PDYN: variants seen among roughly 807,000 people sequenced by gnomAD.
The protein encoded by PDYN is prodynorphin.
PDYN carries 5 observed loss-of-function variants against 11.4 expected under a neutral mutation model. The observed-to-expected ratio is 0.44, with a 90% CI of 0.23 to 0.92. The LOEUF is 0.92. Among genes scored for constraint, PDYN ranks in the 40% least tolerant of loss-of-function variants. The probability of loss-of-function intolerance (pLI) is 0.24; values close to 1 mark genes in which losing one functional copy is unlikely to be tolerated. For missense variants in PDYN, 337 were observed against 317.3 expected, an observed-to-expected ratio of 1.06 and a Z score of -0.47; for synonymous variants, 132 against 129.5, an observed-to-expected ratio of 1.02 and a Z score of -0.13.
chr20:1,990,712 G>A (rs913736428), intron 2 of PDYN, among the ~76,000 whole-genome samples: 2 of 152,040 alleles, frequency 1.3e-5, no homozygotes, highest in Non-Finnish European at 2.9e-5. Flanking sequence ...GGATGGAACC[G>A]CCACCCTTTT....
intron 2 of PDYN, among the ~76,000 whole-genome samples, chr20:1,985,354 G>A (rs1411292842): frequency 6.6e-6 from 1 of 152,148 alleles, no homozygotes; most frequent in African/African-American, 2.4e-5. Flanking sequence ...CTTCAGGGAA[G>A]CGGGCACTTC....
At chr20:1,991,375 G>A (rs566393312) in intron 2 of PDYN, among the ~76,000 whole-genome samples, 29 of 152,314 alleles carry the variant, frequency 1.9e-4, no homozygotes, top group African/African-American at 5.8e-4. Context: ...GGATGGACTC[G>A]GAGGAGCCCC....
chr20:1,989,329 G>T (rs1988332269), intron 2 of PDYN, among the ~76,000 whole-genome samples: 1 of 152,108 alleles, frequency 6.6e-6, no homozygotes, highest in Non-Finnish European at 1.5e-5. Flanking sequence ...GGGGAGGCTT[G>T]CCTTGGGATT....
intron 2 of PDYN, among the ~76,000 whole-genome samples, chr20:1,989,841 C>A (rs545800328): frequency 2.0e-5 from 3 of 152,294 alleles, no homozygotes; most frequent in South Asian, 2.1e-4. Context: ...GTTTCAATGA[C>A]CCTGCAATGA....
At chr20:1,982,835 G>A in intron 3 of PDYN, 121 bp downstream of exon 3, 1 of 1,064,608 alleles carries the variant, frequency 9.4e-7, no homozygotes, top group South Asian at 1.3e-5. Flanking sequence ...CCACCACCCT[G>A]CACAGGTGGG....
Position 1,980,010 on chromosome 20 carries a change from G to A in PDYN, c.*313C>T, listed in dbSNP as rs1414690203. 5 of 436,718 alleles carry A rather than the reference G, an allele frequency of 1.1e-5. No homozygotes were observed. Among genetic ancestry groups the A allele is most frequent in the South Asian group, 8.4e-5 (4 of 47,510 alleles). 27.1% of individuals were successfully genotyped at this position (436,718 alleles called of 1,614,324 possible). A position where few individuals can be genotyped will look rare whatever the true frequency, so the allele number is the denominator to read the frequency against. ...TGGTTCCCTGGAATTGAGGAGTCACGTGAACAGGTTGGAAGGACAGATCAC... is the reference window on the plus strand; with the variant it reads ...TGGTTCCCTGGAATTGAGGAGTCACATGAACAGGTTGGAAGGACAGATCAC... On this transcript the variant is annotated 3_prime_UTR_variant, in exon 4 of 4. Coordinates refer to ENST00000217305, the MANE Select transcript of PDYN (RefSeq NM_024411.5).
rs1987680596 is a variant in PDYN, at chr20:1,980,500, A to G, written c.588T>C (p.Asp196=). The stretch of plus-strand genomic sequence containing the variant: ...TGTACAGGTCCTCATGGCCCATGCT[A>G]TCCCCGTCCCCCTCCCCAGCCACCT... ...SSEVAGEGDG[D]SMGHEDLYKR... Residue 196 remains aspartate (D), a synonymous_variant, in exon 4 of 4, where the codon GAT becomes GAC. Transcript: ENST00000217305. 6.2e-7 allele frequency: 1 copy of G among 1,612,918 alleles called. No homozygotes were observed. The highest frequency in any genetic ancestry group is 1.3e-5 in the African/African-American group (1 of 74,824).
At chr20:1,982,304 A>G (rs1987869637) in intron 3 of PDYN, among the ~76,000 whole-genome samples, 1 of 152,186 alleles carries the variant, frequency 6.6e-6, no homozygotes, top group Admixed American at 6.5e-5. Context: ...ATCTCATGGA[A>G]TCACCTCCAT....
intron 3 of PDYN, among the ~76,000 whole-genome samples, chr20:1,981,780 GC>G (rs1303897954): frequency 4.0e-5 from 6 of 151,874 alleles, no homozygotes; most frequent in Non-Finnish European, 8.8e-5. Context: ...ACAAAAATTA[GC>G]TGGGTGTGGT....
intron 3 of PDYN, among the ~76,000 whole-genome samples, 159 bp downstream of exon 3, chr20:1,982,797 T>C (rs1363576190): frequency 6.6e-6 from 1 of 152,104 alleles, no homozygotes; most frequent in Non-Finnish European, 1.5e-5. Context: ...CAGCCCCTGG[T>C]GTCCAGGCCA....
At position 1,980,123 on chromosome 20, in the gene PDYN, G is replaced by A. The variant is rs929141800; in HGVS notation, c.*200C>T. 1 of 657,836 alleles carries A rather than the reference G, an allele frequency of 1.5e-6. No individual in the cohort carries two copies. The highest frequency in any genetic ancestry group is 1.8e-5 in the African/African-American group (1 of 55,558). The allele number at this position is 657,836 out of a possible 1,614,324, so 40.7% of individuals were successfully genotyped here. Reference sequence around the variant, plus strand: ...AGCACTAAGCCTATTGTGGGGAAGGGACATCCACCCTTCCCCATCACAGAC... The same window carrying A: ...AGCACTAAGCCTATTGTGGGGAAGGAACATCCACCCTTCCCCATCACAGAC... On this transcript the variant is annotated 3_prime_UTR_variant, in exon 4 of 4. Transcript: ENST00000217305.
chr20:1,981,835 A>G (rs1272644695), intron 3 of PDYN, among the ~76,000 whole-genome samples: 1 of 151,890 alleles, frequency 6.6e-6, no homozygotes, highest in Non-Finnish European at 1.5e-5. Context: ...CTGATGTACA[A>G]GAATCACTTG....
At position 1,980,356 on chromosome 20, in the gene PDYN, C is replaced by T. The variant is rs141248791; in HGVS notation, c.732G>A (p.Pro244=). The T allele has an allele frequency of 2.9e-5, 47 of 1,614,146 alleles. No homozygotes were observed. In the African/African-American group the frequency reaches 5.2e-4, roughly 18 times the overall value. The part of the protein sequence containing the change: ...FKVVTRSQED[P]NAYSGELFDA Reference sequence around the variant, plus strand: ...CAAAAAGCTCTCCAGAGTAAGCATTCGGATCTTCCTGAGACCGAGTCACCA... The same window carrying T: ...CAAAAAGCTCTCCAGAGTAAGCATTTGGATCTTCCTGAGACCGAGTCACCA... Residue 244 remains proline, a synonymous_variant, in exon 4 of 4, where the codon CCG becomes CCA. Coordinates refer to ENST00000217305, the MANE Select transcript of PDYN (RefSeq NM_024411.5).
rs561407444 is a variant in PDYN at position 1,980,039 on chromosome 20, C to G, written c.*284G>C. ...ACAGGTTGGAAGGACAGATCACAAA[C>G]TGCTGCTGCTGCTGCTGCTGCCGCT... is the stretch of plus-strand genomic sequence containing the variant. On this transcript the variant is annotated 3_prime_UTR_variant, in exon 4 of 4. Transcript: ENST00000217305. 5.2e-6 allele frequency: 2 copies of G among 382,850 alleles called. No individual in the cohort carries two copies. The highest frequency in any genetic ancestry group is 5.4e-5 in the South Asian group (2 of 36,888). The allele number at this position is 382,850 out of a possible 1,614,324, so 23.7% of individuals were successfully genotyped here.
At chr20:1,986,134 C>G (rs942977042) in intron 2 of PDYN, among the ~76,000 whole-genome samples, 1 of 152,196 alleles carries the variant, frequency 6.6e-6, no homozygotes, top group Non-Finnish European at 1.5e-5. Flanking sequence ...CGTGGATTAA[C>G]TCATACATAT....
At chr20:1,990,520 C>T (rs528957461) in intron 2 of PDYN, among the ~76,000 whole-genome samples, 1 of 152,264 alleles carries the variant, frequency 6.6e-6, no homozygotes, top group South Asian at 2.1e-4. Flanking sequence ...GGGTTCTGAA[C>T]AGAAAGTAAA....
chr20:1,983,760 GAACACACCCATT>G (rs2122345439), intron 2 of PDYN, among the ~76,000 whole-genome samples: 1 of 152,242 alleles, frequency 6.6e-6, no homozygotes. Context: ...TCAATTCTGT[GAACACACCCATT>G]GGGTGGGGTC....
intron 2 of PDYN, among the ~76,000 whole-genome samples, chr20:1,991,053 G>A (rs1191871991): frequency 2.6e-5 from 4 of 151,872 alleles, no homozygotes. Context: ...GGGAAGGGAA[G>A]TGAACACAAT....
At chr20:1,981,931 A>AAAAT (rs368706093) in intron 3 of PDYN, among the ~76,000 whole-genome samples, 16,142 of 143,544 alleles carry the variant, frequency 0.11, 1,267 homozygotes, top group African/African-American at 0.21. Context: ...GTCTCAAACA[A>AAAAT]AAATAAATAA....
Sources: allele counts gnomAD v4.1 joint callset (sites outside exome capture counted in the v4.1 genomes callset), GRCh38; gene constraint gnomAD v4.1.1; transcripts MANE v1.5; gene names NCBI Gene and HGNC (gene_info 2026-07-23, HGNC 2026-07-21).